The following TNFAIP6 variants were observed in gnomAD, a reference collection of about 807,000 sequenced individuals.
TNFAIP6 encodes the protein TNF alpha induced protein 6.
In TNFAIP6, 36 loss-of-function variants were observed where a neutral mutation model predicts 33.7. The ratio of observed to expected loss-of-function variants is 1.07; its 90% CI spans 0.82 to 1.41. The LOEUF is 1.41. Among genes scored for constraint, TNFAIP6 ranks in the 40% most tolerant of loss-of-function variants. TNFAIP6 has a pLI of 0.00. For missense variants in TNFAIP6, 273 were observed against 331.9 expected (o/e 0.82, Z 1.38); for synonymous variants, 113 against 112.8 (o/e 1.00, Z -0.01).
chr2:151,366,947 T>C (rs1684723144), intron 3 of TNFAIP6, among the ~76,000 whole-genome samples: 1 of 152,164 alleles, frequency 6.6e-6, no homozygotes. Context: ...AGTAGGCTGT[T>C]CTTTTTGGGT....
Position 151,361,669 on chromosome 2 carries a change from A to G in TNFAIP6, c.95-2274A>G, listed in dbSNP as rs3771890. ...AATTCAAAATATTCACTAGTGTCCA[A>G]GTTCCTTGAGGATAGAACCTGACCC... On this transcript the variant is annotated intron_variant, in intron 1 of 5. Coordinates refer to ENST00000243347, the MANE Select transcript of TNFAIP6 (RefSeq NM_007115.4). Among the ~76,000 whole-genome samples, 1,203 of 152,326 alleles carry G rather than the reference A, an allele frequency of 7.9e-3. 24 individuals carry two copies. The East Asian group carries it at 0.091, about 12-fold the overall frequency.
At chr2:151,359,092 A>AG (rs1445955416) in intron 1 of TNFAIP6, among the ~76,000 whole-genome samples, 2 of 152,222 alleles carry the variant, frequency 1.3e-5, no homozygotes, top group African/African-American at 2.4e-5. Flanking sequence ...CCCCAGAGGT[A>AG]GAGAGAAGCA....
chr2:151,363,473 C>T (rs943704589), intron 1 of TNFAIP6, among the ~76,000 whole-genome samples: 11 of 146,232 alleles, frequency 7.5e-5, no homozygotes, highest in African/African-American at 2.0e-4. Flanking sequence ...CTGGCTAACA[C>T]GGTGAAACCC....
At chr2:151,357,813 A>G (rs1214843828) in intron 1 of TNFAIP6, 53 bp downstream of exon 1, 1 of 1,159,542 alleles carries the variant, frequency 8.6e-7, no homozygotes, top group Non-Finnish European at 1.3e-6. Context: ...TCTTTAAATC[A>G]TGGAGAAGGA....
intron 5 of TNFAIP6, among the ~76,000 whole-genome samples, chr2:151,374,984 G>A (rs758238866): frequency 2.4e-4 from 37 of 152,160 alleles, no homozygotes; most frequent in Non-Finnish European, 4.9e-4. Context: ...AATTAGCCAG[G>A]CGTGGAGGCA....
At chr2:151,375,561 G>A (rs1684892171) in intron 5 of TNFAIP6, among the ~76,000 whole-genome samples, 1 of 151,702 alleles carries the variant, frequency 6.6e-6, no homozygotes, top group Non-Finnish European at 1.5e-5. Flanking sequence ...ACAAAAAATT[G>A]GCCAGGTGCA....
intron 3 of TNFAIP6, 31 bp from the exon 4 acceptor site, chr2:151,369,989 G>A: frequency 6.6e-7 from 1 of 1,520,184 alleles, no homozygotes; most frequent in Non-Finnish European, 9.0e-7. Context: ...AATGCTTTGG[G>A]GTTTTTACGT....
chr2:151,363,666 A>C (rs565184640), intron 1 of TNFAIP6, among the ~76,000 whole-genome samples: 10 of 152,296 alleles, frequency 6.6e-5, no homozygotes, highest in Non-Finnish European at 8.8e-5. Context: ...TCTCAAAAAA[A>C]CAAAACAAAA....
At chr2:151,373,744 C>CAAAAAAA (rs35356355) in intron 5 of TNFAIP6, 155 bp downstream of exon 5, 1 of 236,882 alleles carries the variant, frequency 4.2e-6, no homozygotes, top group Non-Finnish European at 7.7e-6. Flanking sequence ...TTGTAAAATG[C>CAAAAAAA]AAAAAAAAAA....
chr2:151,377,766 C>T (rs1375131056), intron 5 of TNFAIP6, among the ~76,000 whole-genome samples: 1 of 151,884 alleles, frequency 6.6e-6, no homozygotes, highest in East Asian at 1.9e-4. Context: ...AGATATTAAC[C>T]CTATTTTCTC....
At chr2:151,374,036 A>T (rs1012052855) in intron 5 of TNFAIP6, among the ~76,000 whole-genome samples, 1 of 152,220 alleles carries the variant, frequency 6.6e-6, no homozygotes, top group Non-Finnish European at 1.5e-5. Flanking sequence ...TGTTTCAAAT[A>T]ACAAAGTTCT....
At chr2:151,378,338 T>C (rs1282943080) in intron 5 of TNFAIP6, among the ~76,000 whole-genome samples, 1 of 152,212 alleles carries the variant, frequency 6.6e-6, no homozygotes, top group Non-Finnish European at 1.5e-5. Context: ...TTAGGTACTC[T>C]GTGTAAAGTA....
chr2:151,368,225 C>G (rs1684750279), intron 3 of TNFAIP6: 1 of 153,406 alleles, frequency 6.5e-6, no homozygotes, highest in Admixed American at 6.6e-5. Flanking sequence ...TTAGAATAAC[C>G]CTGTGTGATA....
chr2:151,369,258 A>G (rs1684770576), intron 3 of TNFAIP6, among the ~76,000 whole-genome samples: 1 of 152,156 alleles, frequency 6.6e-6, no homozygotes. Flanking sequence ...TAAAAGATAA[A>G]ATAAAAATAT....
At position 151,358,611 on chromosome 2, in the gene TNFAIP6, T is replaced by C. The variant is rs981862758; in HGVS notation, c.94+851T>C. ...GGGGAAAAATGCATAGATTCTTGCATAGAATAAAGAAATAAAGAGAAGGCG... is the reference window on the plus strand; with the variant it reads ...GGGGAAAAATGCATAGATTCTTGCACAGAATAAAGAAATAAAGAGAAGGCG... On this transcript the variant is annotated intron_variant, in intron 1 of 5. Transcript: ENST00000243347. 3.3e-5 allele frequency among the ~76,000 whole-genome samples: 5 copies of C among 152,190 alleles called. No homozygotes were observed. The East Asian group carries it at 7.7e-4, about 23-fold the overall frequency.
At chr2:151,368,468 T>C (rs1461671979) in intron 3 of TNFAIP6, 2 of 151,494 alleles carry the variant, frequency 1.3e-5, no homozygotes, top group South Asian at 4.2e-4. Context: ...AACCAGGGCT[T>C]CTTCCTAGCT....
At chr2:151,358,598 A>G (rs1573776508) in intron 1 of TNFAIP6, among the ~76,000 whole-genome samples, 10 of 152,370 alleles carry the variant, frequency 6.6e-5, no homozygotes. Flanking sequence ...GGAAAAATGC[A>G]TAGATTCTTG....
Position 151,363,974 on chromosome 2 carries a change from A to T in TNFAIP6, c.126A>T (p.Ala42=). The change falls in exon 2 of 6, where the codon GCA becomes GCT. Residue 42 remains alanine, a synonymous_variant. Transcript: ENST00000243347. ...CAGCCGGTGTGTACCACAGAGAAGC[A>T]CGGTCTGGCAAATACAAGCTCACCT... ...ERAAGVYHRE[A]RSGKYKLTYA... 6.2e-7 allele frequency: 1 copy of T among 1,614,166 alleles called. No homozygotes were observed. The highest frequency in any genetic ancestry group is 8.5e-7 in the Non-Finnish European group (1 of 1,180,018).
At chr2:151,365,597 C>A (rs1247199154) in intron 2 of TNFAIP6, among the ~76,000 whole-genome samples, 1 of 152,062 alleles carries the variant, frequency 6.6e-6, no homozygotes, top group Non-Finnish European at 1.5e-5. Context: ...CAAGATTGCA[C>A]CACCCCACTC....
Sources: allele counts gnomAD v4.1 joint callset (sites outside exome capture counted in the v4.1 genomes callset), GRCh38; gene constraint gnomAD v4.1.1; transcripts MANE v1.5; gene names NCBI Gene and HGNC (gene_info 2026-07-23, HGNC 2026-07-21).